Variants in ASB5 observed in about 807,000 individuals in gnomAD.
The protein encoded by ASB5 is ankyrin repeat and SOCS box containing 5, also known as ankyrin repeat and SOCS box protein 5.
ASB5 carries 45 observed loss-of-function variants against 42.1 expected under a neutral mutation model. That is an observed-to-expected ratio of 1.07 (90% CI 0.84 to 1.37). The LOEUF (loss-of-function observed/expected upper bound fraction) is 1.37. Among genes scored for constraint, ASB5 ranks in the 40% most tolerant of loss-of-function variants. ASB5 has a pLI of 0.00. For synonymous variants in ASB5, 147 were observed against 150.6 expected, an observed-to-expected ratio of 0.98 and a Z score of 0.18; for missense variants, 402 against 399.8, an observed-to-expected ratio of 1.01 and a Z score of -0.05.
chr4:176,247,985 G>T (rs905312389), intron 1 of ASB5, among the ~76,000 whole-genome samples: 1 of 152,154 alleles, frequency 6.6e-6, no homozygotes, highest in Non-Finnish European at 1.5e-5. Flanking sequence ...TGATAGAATA[G>T]AAGGCAAAAT....
intron 1 of ASB5, among the ~76,000 whole-genome samples, chr4:176,243,473 A>G (rs1391908440): frequency 6.6e-6 from 1 of 152,032 alleles, no homozygotes; most frequent in African/African-American, 2.4e-5. Flanking sequence ...CTTATTATAT[A>G]GTGGCATCTA....
intron 1 of ASB5, among the ~76,000 whole-genome samples, chr4:176,241,157 C>T (rs562673298): frequency 1.8e-4 from 28 of 152,170 alleles, no homozygotes; most frequent in Non-Finnish European, 3.4e-4. Context: ...ATATCATAAT[C>T]GCAAAAACAG....
At chr4:176,225,471 A>C in intron 1 of ASB5, 130 bp from the exon 2 acceptor site, 1 of 749,754 alleles carries the variant, frequency 1.3e-6, no homozygotes, top group Non-Finnish European at 2.2e-6. Context: ...TGAGCCAGAT[A>C]CTTATACTGT....
At chr4:176,217,879 C>G (rs1413726996) in intron 5 of ASB5, among the ~76,000 whole-genome samples, 1 of 151,906 alleles carries the variant, frequency 6.6e-6, no homozygotes. Flanking sequence ...ATCTTTAAAA[C>G]TAATGATGTC....
intron 2 of ASB5, among the ~76,000 whole-genome samples, chr4:176,224,086 G>A (rs1434936573): frequency 6.6e-6 from 1 of 152,090 alleles, no homozygotes; most frequent in Non-Finnish European, 1.5e-5. Context: ...CTAGGATCCA[G>A]GTCTTGAGAC....
chr4:176,273,245 G>C (rs1754507386), upstream of ASB5, among the ~76,000 whole-genome samples: 1 of 152,160 alleles, frequency 6.6e-6, no homozygotes, highest in Non-Finnish European at 1.5e-5. Context: ...ATGGCGACAT[G>C]TTCCTAGCCC....
At chr4:176,221,919 G>A (rs1234215158) in intron 3 of ASB5, among the ~76,000 whole-genome samples, 11 of 152,128 alleles carry the variant, frequency 7.2e-5, no homozygotes, top group Admixed American at 7.2e-4. Flanking sequence ...AGAAAAAAGT[G>A]TAATGATGAT....
chr4:176,221,217 G>A lies in ASB5; in HGVS notation c.608C>T (p.Thr203Ile), dbSNP rs1401037963. 3 of 1,614,130 alleles carry A rather than the reference G, an allele frequency of 1.9e-6. No individual in the cohort carries two copies. ...DVDQEIPHLG[T>I]PLYVACMSQQ... Reference sequence around the variant, plus strand: ...TGACATACAAGCTACATAGAGAGGAGTTCCCAAATGAGGAATTTCTTGGTC... The same window carrying A: ...TGACATACAAGCTACATAGAGAGGAATTCCCAAATGAGGAATTTCTTGGTC... Residue 203 changes from threonine to isoleucine, a missense_variant, in exon 5 of 7, where the codon ACT becomes ATT. Thr to Ile is a moderately conservative substitution (Grantham distance 89). Coordinates refer to ENST00000296525, the MANE Select transcript of ASB5 (RefSeq NM_080874.4).
chr4:176,227,012 C>T (rs1016107501), intron 1 of ASB5, among the ~76,000 whole-genome samples: 1 of 152,202 alleles, frequency 6.6e-6, no homozygotes, highest in African/African-American at 2.4e-5. Flanking sequence ...GAAAGACTTC[C>T]AAGACAGCTA....
chr4:176,255,379 G>A (rs1754134932), intron 1 of ASB5, among the ~76,000 whole-genome samples: 1 of 152,150 alleles, frequency 6.6e-6, no homozygotes, highest in African/African-American at 2.4e-5. Context: ...ATACCTAAAA[G>A]AAACTGTTCT....
At chr4:176,222,457 T>A in intron 2 of ASB5, 37 bp from the exon 3 acceptor site, 1 of 1,513,082 alleles carries the variant, frequency 6.6e-7, no homozygotes. Context: ...GAGCAAAGAG[T>A]TATATACTTA....
rs767963342 is a variant in ASB5 at position 176,221,536 on chromosome 4, C to T, written c.449G>A (p.Ser150Asn). Reference sequence around the variant, plus strand: ...ATACTCCAGAAGCAGCTCTGCACAGCTTGGACTGCCTTGGGAGCATGCGTT... The same window carrying T: ...ATACTCCAGAAGCAGCTCTGCACAGTTTGGACTGCCTTGGGAGCATGCGTT... ...LFNACSQGSP[S>N]CAELLLEYGA... Residue 150 changes from serine to asparagine, a missense_variant, in exon 4 of 7, where the codon AGC becomes AAC. By Grantham distance (46) the Ser-to-Asn change is conservative (BLOSUM62 1). Coordinates refer to ENST00000296525, the MANE Select transcript of ASB5 (RefSeq NM_080874.4). The T allele has an allele frequency of 1.2e-6, 2 of 1,614,044 alleles. No homozygotes were observed. Among genetic ancestry groups the T allele is most frequent in the South Asian group, 1.1e-5 (1 of 91,068 alleles).
At chr4:176,231,882 C>T (rs1322088586) in intron 1 of ASB5, among the ~76,000 whole-genome samples, 1 of 142,278 alleles carries the variant, frequency 7.0e-6, no homozygotes, top group Non-Finnish European at 1.5e-5. Context: ...AAGTCTTTAC[C>T]TGCTCCCAAT....
At chr4:176,252,016 T>C (rs1332368617) in intron 1 of ASB5, among the ~76,000 whole-genome samples, 1 of 134,050 alleles carries the variant, frequency 7.5e-6, no homozygotes, top group African/African-American at 2.9e-5. Context: ...CAGTGAGCTA[T>C]GATCACAGCA....
chr4:176,228,711 C>T (rs1753445196), intron 1 of ASB5, among the ~76,000 whole-genome samples: 1 of 152,048 alleles, frequency 6.6e-6, no homozygotes, highest in African/African-American at 2.4e-5. Context: ...TTTGGTAGGA[C>T]AAAAATTGGT....
chr4:176,226,974 A>G (rs113070978), intron 1 of ASB5, among the ~76,000 whole-genome samples: 24 of 152,364 alleles, frequency 1.6e-4, no homozygotes, highest in African/African-American at 5.8e-4. Context: ...GCCTGTTGCT[A>G]TAAAACGGGT....
chr4:176,247,134 A>T (rs535909401), intron 1 of ASB5, among the ~76,000 whole-genome samples: 4 of 152,282 alleles, frequency 2.6e-5, no homozygotes, highest in South Asian at 2.1e-4. Context: ...AAATTCAACA[A>T]ATATATGTAA....
intron 1 of ASB5, among the ~76,000 whole-genome samples, chr4:176,258,951 C>T (rs866923965): frequency 1.3e-5 from 2 of 152,038 alleles, no homozygotes. Context: ...TGTTTTGGGA[C>T]TTAATGTTCA....
In ASB5 at chr4:176,214,909, G is replaced by T. The variant is rs1752924753; in HGVS notation, c.*691C>A. 1 of 152,066 alleles carries T rather than the reference G, an allele frequency of 6.6e-6. No homozygotes were observed. Among genetic ancestry groups the T allele is most frequent in the Non-Finnish European group, 1.5e-5 (1 of 68,006 alleles). The allele number at this position is 152,066 out of a possible 1,614,324, so 9.4% of individuals were successfully genotyped here. A position where few individuals can be genotyped will look rare whatever the true frequency, so the allele number is the denominator to read the frequency against. On this transcript the variant is annotated 3_prime_UTR_variant, in exon 7 of 7. Transcript: ENST00000296525. Reference sequence around the variant, plus strand: ...AGGCAGTCTTAACATAGCCTTAGAAGGTGTGTAATGTTCTAAATATCTCAG... The same window carrying T: ...AGGCAGTCTTAACATAGCCTTAGAATGTGTGTAATGTTCTAAATATCTCAG...
Sources: allele counts gnomAD v4.1 joint callset (sites outside exome capture counted in the v4.1 genomes callset), GRCh38; gene constraint gnomAD v4.1.1; transcripts MANE v1.5; gene names NCBI Gene and HGNC (gene_info 2026-07-23, HGNC 2026-07-21).